The following EBF1 variants were observed in gnomAD, a reference collection of about 807,000 sequenced individuals.
The protein encoded by EBF1 is transcription factor COE1.
In EBF1, 10 loss-of-function variants were observed where a neutral mutation model predicts 68.4. The ratio of observed to expected loss-of-function variants is 0.15; its 90% CI spans 0.09 to 0.25. The LOEUF is 0.25. Among genes scored for constraint, EBF1 ranks in the 10% least tolerant of loss-of-function variants. EBF1 has a pLI of 1.00. For missense variants in EBF1, 509 were observed against 794.4 expected, an observed-to-expected ratio of 0.64 and a Z score of 4.32; for synonymous variants, 298 against 299.8, an observed-to-expected ratio of 0.99 and a Z score of 0.06.
intron 15 of EBF1, among the ~76,000 whole-genome samples, chr5:158,705,134 C>A (rs962399969): frequency 1.1e-4 from 16 of 152,140 alleles, no homozygotes; most frequent in African/African-American, 3.9e-4. Flanking sequence ...GGCTGCACCA[C>A]CAGGCCCGGC....
At chr5:159,049,259 T>C (rs1439286224) in intron 6 of EBF1, among the ~76,000 whole-genome samples, 2 of 152,214 alleles carry the variant, frequency 1.3e-5, no homozygotes, top group Non-Finnish European at 2.9e-5. Context: ...AATAATGAAA[T>C]GATGTATGAT....
At chr5:158,720,442 A>G (rs1365436755) in intron 11 of EBF1, among the ~76,000 whole-genome samples, 1 of 152,192 alleles carries the variant, frequency 6.6e-6, no homozygotes, top group East Asian at 1.9e-4. Flanking sequence ...TTATTCAGCC[A>G]AATGGAAAAT....
At chr5:158,967,316 A>T (rs889568902) in intron 6 of EBF1, among the ~76,000 whole-genome samples, 1 of 152,206 alleles carries the variant, frequency 6.6e-6, no homozygotes, top group Non-Finnish European at 1.5e-5. Context: ...AAACTAAAAT[A>T]CAAGTTTCAT....
At chr5:158,904,967 G>T (rs1438497759) in intron 6 of EBF1, among the ~76,000 whole-genome samples, 1 of 152,206 alleles carries the variant, frequency 6.6e-6, no homozygotes, top group Non-Finnish European at 1.5e-5. Context: ...CCAGCTGAAT[G>T]ACTTTAAAGA....
intron 6 of EBF1, among the ~76,000 whole-genome samples, chr5:158,893,530 T>TC (rs1562237624): frequency 6.6e-6 from 1 of 152,158 alleles, no homozygotes; most frequent in Non-Finnish European, 1.5e-5. Flanking sequence ...CACTTATAAA[T>TC]CCCCCCAAAA....
intron 6 of EBF1, among the ~76,000 whole-genome samples, chr5:158,934,022 A>G (rs1811439503): frequency 6.6e-6 from 1 of 152,168 alleles, no homozygotes; most frequent in Non-Finnish European, 1.5e-5. Flanking sequence ...TTCAGTATCT[A>G]TCGTACTATT....
intron 6 of EBF1, among the ~76,000 whole-genome samples, chr5:159,015,121 C>T (rs1765402383): frequency 6.6e-6 from 1 of 152,254 alleles, no homozygotes; most frequent in Admixed American, 6.5e-5. Context: ...AGGCATGGAA[C>T]ACTGAGCAAA....
intron 6 of EBF1, among the ~76,000 whole-genome samples, chr5:159,027,304 C>G (rs2127731793): frequency 6.6e-6 from 1 of 152,206 alleles, no homozygotes; most frequent in East Asian, 1.9e-4. Context: ...TATCCAAGAC[C>G]AGGCCTCAAC....
chr5:158,796,554 GA>G lies in EBF1; in HGVS notation c.779-80del, dbSNP rs540403389. The stretch of plus-strand genomic sequence containing the variant: ...TTAATGATGAAGACTTGAGAAAAAG[GA>G]AAAAAAAAATCTTTTATCTTTTCAC... On this transcript the variant is annotated intron_variant, in intron 8 of 15. Coordinates refer to ENST00000313708, the MANE Select transcript of EBF1 (RefSeq NM_024007.5). The G allele has an allele frequency of 3.0e-3, 4,139 of 1,384,264 alleles. 57 individuals carry two copies. The African/African-American group carries it at 0.04, about 13-fold the overall frequency. 85.7% of individuals were successfully genotyped at this position (1,384,264 alleles called of 1,614,324 possible).
At chr5:159,089,925 A>T (rs769899570) in intron 4 of EBF1, among the ~76,000 whole-genome samples, 1 of 152,040 alleles carries the variant, frequency 6.6e-6, no homozygotes, top group Non-Finnish European at 1.5e-5. Flanking sequence ...AGGGAAAAGA[A>T]AGGTTATCAG....
At chr5:158,822,127 AAAG>A (rs1431309224) in intron 8 of EBF1, among the ~76,000 whole-genome samples, 3 of 152,160 alleles carry the variant, frequency 2.0e-5, no homozygotes, top group African/African-American at 7.2e-5. Context: ...AGTGTTCTGA[AAAG>A]AATCTTGCTG....
chr5:159,082,432 A>G (rs1033740261), intron 5 of EBF1, among the ~76,000 whole-genome samples: 1 of 152,182 alleles, frequency 6.6e-6, no homozygotes, highest in Non-Finnish European at 1.5e-5. Context: ...CCATATGGCT[A>G]ATGGTGGTGC....
chr5:158,851,384 G>A (rs1792624251), intron 6 of EBF1, among the ~76,000 whole-genome samples: 1 of 117,682 alleles, frequency 8.5e-6, no homozygotes, highest in South Asian at 4.1e-4. Context: ...GAAGGGAAGG[G>A]GAATGGGAGG....
At chr5:158,988,233 C>T (rs963949253) in intron 6 of EBF1, among the ~76,000 whole-genome samples, 8 of 152,104 alleles carry the variant, frequency 5.3e-5, no homozygotes, top group Admixed American at 5.2e-4. Context: ...GCCCAGTGCC[C>T]CCCCTTCTCT....
intron 11 of EBF1, among the ~76,000 whole-genome samples, chr5:158,726,865 G>C (rs570948303): frequency 6.6e-6 from 1 of 152,200 alleles, no homozygotes; most frequent in Non-Finnish European, 1.5e-5. Context: ...CTGTGATGTC[G>C]TAGCAAGTCA....
chr5:159,072,252 G>A (rs1329959078), intron 6 of EBF1, among the ~76,000 whole-genome samples: 1 of 152,052 alleles, frequency 6.6e-6, no homozygotes, highest in Non-Finnish European at 1.5e-5. Context: ...AAGCTTCTTG[G>A]CAATCAATTG....
At chr5:158,817,557 A>G (rs1784008370) in intron 8 of EBF1, among the ~76,000 whole-genome samples, 1 of 152,150 alleles carries the variant, frequency 6.6e-6, no homozygotes, top group Non-Finnish European at 1.5e-5. Context: ...CCCAGCCTCC[A>G]GAACCGTAAG....
At chr5:158,874,424 A>G (rs1192854727) in intron 6 of EBF1, among the ~76,000 whole-genome samples, 2 of 152,218 alleles carry the variant, frequency 1.3e-5, no homozygotes, top group African/African-American at 4.8e-5. Flanking sequence ...AAATAGGTGC[A>G]GAGAAACTGT....
At chr5:158,741,403 C>T (rs1469866321) in intron 10 of EBF1, among the ~76,000 whole-genome samples, 5 of 151,896 alleles carry the variant, frequency 3.3e-5, no homozygotes, top group African/African-American at 7.3e-5. Context: ...AGTGAGACCT[C>T]GTCTCTACAA....
Sources: gnomAD v4.1 joint callset for allele counts (sites outside exome capture counted in the v4.1 genomes callset) on GRCh38, gnomAD v4.1.1 for gene constraint, MANE v1.5 for transcripts, NCBI Gene and HGNC (gene_info 2026-07-23, HGNC 2026-07-21) for gene names.